Variants in PDXDC1 observed in about 807,000 individuals in gnomAD.
PDXDC1 encodes pyridoxal-dependent decarboxylase domain-containing protein 1.
A neutral mutation model predicts 100.1 loss-of-function variants in PDXDC1; 42 were observed. The observed-to-expected ratio is 0.42, with a 90% confidence interval of 0.33 to 0.54. PDXDC1 has a LOEUF of 0.54. Ranked by LOEUF, PDXDC1 falls within the 20% of genes least tolerant of loss-of-function variation. The pLI, the probability that PDXDC1 is intolerant of heterozygous loss-of-function variation, is 0.10. For synonymous variants in PDXDC1, 260 were observed against 371.7 expected (o/e 0.70, Z 3.46); for missense variants, 636 against 979.2 (o/e 0.65, Z 4.68).
chr16:15,015,095 AC>A, intron 8 of PDXDC1, among the ~76,000 whole-genome samples: 1 of 152,286 alleles, frequency 6.6e-6, no homozygotes, highest in Admixed American at 6.5e-5. Context: ...CCACCACTAC[AC>A]CCGGCTAATT....
Position 15,130,460 on chromosome 16 carries a change from C to A in PDXDC1, c.1400-8419C>A, listed in dbSNP as rs2966195. ...TCCCCACTGGGTCTCTGGTCCTGGG[C>A]AGGGAAGGGGCAGTGGACGTGAGCC... On this transcript the variant is annotated intron_variant, in intron 16 of 16. Transcript: ENST00000535621. The A allele has an allele frequency of 4.1e-4, 596 of 1,436,934 alleles. 7 individuals are homozygous for A. The highest frequency in any genetic ancestry group is 2.9e-3 in the South Asian group (251 of 86,980). 89.0% of individuals were successfully genotyped at this position (1,436,934 alleles called of 1,614,324 possible).
At chr16:15,141,062 GAGCACCCGC>G (rs1940089661), downstream of PDXDC1, among the ~76,000 whole-genome samples, 3 of 146,884 alleles carry the variant, frequency 2.0e-5, no homozygotes, top group Admixed American at 6.9e-5. Flanking sequence ...CTCCATCCCT[GAGCACCCGC>G]CCAGCCCCTG....
the PDXDC1 span, among the ~76,000 whole-genome samples, chr16:15,150,061 T>TA: frequency 1.5e-3 from 234 of 151,946 alleles, no homozygotes; most frequent in Non-Finnish European, 6.6e-4. Flanking sequence ...ATCGGACATT[T>TA]AAAAGACAGG....
chr16:15,128,327 G>A (rs2151909410), intron 16 of PDXDC1: 1 of 1,609,696 alleles, frequency 6.2e-7, no homozygotes, highest in Non-Finnish European at 8.5e-7. Context: ...TCGCCATCCA[G>A]GTGCCGGTGG....
chr16:14,984,491 ATATATTTTTT>A (rs1968839047), intron 1 of PDXDC1, among the ~76,000 whole-genome samples: 1 of 93,794 alleles, frequency 1.1e-5, no homozygotes, highest in East Asian at 6.4e-4. Flanking sequence ...ATATATATAT[ATATATTTTTT>A]TTTTTTTTTT....
At chr16:15,070,035 A>C in intron 16 of PDXDC1, 1 of 1,112,428 alleles carries the variant, frequency 9.0e-7, no homozygotes, top group Non-Finnish European at 1.3e-6. Context: ...CAAGAACACA[A>C]GGAAAATCCA....
intron 16 of PDXDC1, among the ~76,000 whole-genome samples, chr16:15,075,861 C>T (rs986819209): frequency 5.9e-5 from 9 of 152,156 alleles, no homozygotes; most frequent in Non-Finnish European, 1.3e-4. Flanking sequence ...TACTGGCGGC[C>T]AATAGCTCAC....
Position 15,038,324 on chromosome 16 carries a change from A to C in PDXDC1, c.*2049A>C, listed in dbSNP as rs745835361. On this transcript the variant is annotated 3_prime_UTR_variant, in exon 23 of 23. Transcript: ENST00000396410. ...ACAAATATATATAATAAAATACGTT[A>C]AGAAATGAGGTGGCCTGAATTAGTA... 40 of 787,258 alleles carry C rather than the reference A, an allele frequency of 5.1e-5. No homozygotes were observed. The highest frequency in any genetic ancestry group is 7.6e-5 in the Non-Finnish European group (38 of 500,998). The allele number at this position is 787,258 out of a possible 1,614,324, so 48.8% of individuals were successfully genotyped here. A position where few individuals can be genotyped will look rare whatever the true frequency, so the allele number is the denominator to read the frequency against.
chr16:15,082,313 T>C (rs2045741342), intron 16 of PDXDC1, among the ~76,000 whole-genome samples: 2 of 152,200 alleles, frequency 1.3e-5, no homozygotes, highest in South Asian at 4.1e-4. Context: ...TCTACTGAGA[T>C]GATTATGTGG....
At chr16:15,094,104 T>C (rs2046253088) in intron 16 of PDXDC1, 1 of 1,539,890 alleles carries the variant, frequency 6.5e-7, no homozygotes, top group Non-Finnish European at 8.8e-7. Flanking sequence ...CGTCCTGAGC[T>C]TTCGTCCCAG....
At chr16:14,988,120 CTCGCTTCTGCG>C in intron 1 of PDXDC1, 1 of 1,267,156 alleles carries the variant, frequency 7.9e-7, no homozygotes, top group South Asian at 1.3e-5. Context: ...TGTATCCACA[CTCGCTTCTGCG>C]TCACTGGTTT....
intron 4 of PDXDC1, among the ~76,000 whole-genome samples, chr16:15,002,510 C>G (rs1973372373): frequency 1.3e-5 from 2 of 152,302 alleles, no homozygotes; most frequent in Non-Finnish European, 2.9e-5. Flanking sequence ...GAACTTTCTC[C>G]TTTGTCAGAG....
At position 15,034,384 on chromosome 16, in the gene PDXDC1, GC is replaced by G; in HGVS notation, c.1905+11del. On this transcript the variant is annotated splice_region_variant and intron_variant, in intron 20 of 22. Coordinates refer to ENST00000396410, the MANE Select transcript of PDXDC1 (RefSeq NM_015027.4). ...AAGAACGGCTTCTGGAAGAGGTGAG[GC>G]CCCCGATGGGCAGCAGGCTGGGGGA... 1.9e-6 allele frequency: 3 copies of G among 1,613,458 alleles called. No individual in the cohort carries two copies. Among genetic ancestry groups the G allele is most frequent in the Non-Finnish European group, 2.5e-6 (3 of 1,179,930 alleles).
chr16:15,072,213 G>C (rs1435979993), intron 16 of PDXDC1, among the ~76,000 whole-genome samples: 1 of 137,222 alleles, frequency 7.3e-6, no homozygotes, highest in Non-Finnish European at 1.5e-5. Flanking sequence ...TCGTTGCAGA[G>C]AAGGAAAAGC....
At chr16:15,015,266 A>G (rs2041701089) in intron 8 of PDXDC1, among the ~76,000 whole-genome samples, 1 of 152,282 alleles carries the variant, frequency 6.6e-6, no homozygotes. Flanking sequence ...TATAAAGGGC[A>G]TATCTAAATC....
At chr16:15,048,732 TACC>T (rs2044179568) in intron 16 of PDXDC1, among the ~76,000 whole-genome samples, 1 of 152,154 alleles carries the variant, frequency 6.6e-6, no homozygotes, top group African/African-American at 2.4e-5. Flanking sequence ...CAAGCGATCC[TACC>T]ACCTTAGCCT....
chr16:15,042,804 C>G (rs2043880409), downstream of PDXDC1, among the ~76,000 whole-genome samples: 1 of 151,990 alleles, frequency 6.6e-6, no homozygotes, highest in African/African-American at 2.4e-5. Flanking sequence ...GTGATCTCAG[C>G]TCACTGCAAC....
chr16:15,093,090 C>A (rs1262923528), intron 16 of PDXDC1, among the ~76,000 whole-genome samples: 1 of 152,046 alleles, frequency 6.6e-6, no homozygotes, highest in Non-Finnish European at 1.5e-5. Context: ...CTGCAACCTC[C>A]ATCTCCCGGG....
chr16:14,985,577 G>T (rs138164178), intron 1 of PDXDC1, among the ~76,000 whole-genome samples: 2 of 152,104 alleles, frequency 1.3e-5, no homozygotes, highest in African/African-American at 2.4e-5. Context: ...GAGCCACCGC[G>T]CCTGGCCTTG....
Sources: gnomAD v4.1 joint callset for allele counts (sites outside exome capture counted in the v4.1 genomes callset) on GRCh38, gnomAD v4.1.1 for gene constraint, MANE v1.5 for transcripts, NCBI Gene and HGNC (gene_info 2026-07-23, HGNC 2026-07-21) for gene names.